ZNF704: variants seen among roughly 807,000 people sequenced by gnomAD.
The protein encoded by ZNF704 is glucocorticoid induced gene 1.
Under a neutral mutation model 44.7 loss-of-function variants are expected in ZNF704, and 10 were observed. The observed-to-expected ratio is 0.22, with a 90% CI of 0.14 to 0.38. The LOEUF (loss-of-function observed/expected upper bound fraction) is 0.38. ZNF704 is among the 10% of genes least tolerant of loss of function. The pLI, the probability that ZNF704 is intolerant of heterozygous loss-of-function variation, is 1.00. For synonymous variants in ZNF704, 211 were observed against 207.6 expected (o/e 1.02, Z -0.14); for missense variants, 390 against 545.5 (o/e 0.71, Z 2.84).
At chr8:80,859,608 T>G (rs1395510299) in intron 1 of ZNF704, among the ~76,000 whole-genome samples, 1 of 152,266 alleles carries the variant, frequency 6.6e-6, no homozygotes, top group African/African-American at 2.4e-5. Flanking sequence ...TGTTTCTTAA[T>G]ACAAATATTT....
At chr8:80,747,319 T>A (rs1034755079) in intron 2 of ZNF704, among the ~76,000 whole-genome samples, 5 of 151,938 alleles carry the variant, frequency 3.3e-5, no homozygotes, top group African/African-American at 1.2e-4. Flanking sequence ...TTTTTCAAGC[T>A]AATTGAAAAG....
chr8:80,637,602 CAT>C lies in ZNF704; in HGVS notation c.*3762_*3763del, dbSNP rs373901063. The C allele has an allele frequency of 9.8e-5, 15 of 152,346 alleles. No homozygotes were observed. The East Asian group carries it at 1.4e-3, about 14-fold the overall frequency. The allele number at this position is 152,346 out of a possible 1,614,324, so 9.4% of individuals were successfully genotyped here. On this transcript the variant is annotated 3_prime_UTR_variant, in exon 9 of 9. Transcript: ENST00000327835. ...TCAAAAATCTTTTGCAACATATACA[CAT>C]GTGACTATCTCTTTGAAAAGTTTTT...
intron 2 of ZNF704, among the ~76,000 whole-genome samples, chr8:80,698,225 AATAAAC>A (rs1236604211): frequency 6.6e-6 from 1 of 152,212 alleles, no homozygotes; most frequent in Non-Finnish European, 1.5e-5. Context: ...CACACACACA[AATAAAC>A]ATAAACTTAC....
intron 1 of ZNF704, among the ~76,000 whole-genome samples, chr8:80,857,797 C>T (rs969357443): frequency 7.2e-5 from 11 of 152,046 alleles, no homozygotes; most frequent in Admixed American, 6.6e-4. Flanking sequence ...GGTATTATAT[C>T]TTCCTTAAGT....
At chr8:80,718,649 A>C (rs948030019) in intron 2 of ZNF704, among the ~76,000 whole-genome samples, 38 of 152,102 alleles carry the variant, frequency 2.5e-4, no homozygotes, top group African/African-American at 9.2e-4. Context: ...AGTGAACCTA[A>C]ACCCAAACTG....
chr8:80,644,689 C>T (rs1359591172), intron 7 of ZNF704, among the ~76,000 whole-genome samples: 3 of 152,296 alleles, frequency 2.0e-5, no homozygotes, highest in East Asian at 3.9e-4. Flanking sequence ...CAGAACACAT[C>T]GTGGCTTCTG....
At chr8:80,794,133 A>C (rs750626320) in intron 2 of ZNF704, among the ~76,000 whole-genome samples, 10 of 152,182 alleles carry the variant, frequency 6.6e-5, no homozygotes, top group Non-Finnish European at 1.3e-4. Flanking sequence ...AAAAAGAGAG[A>C]GCCTAGGCAA....
At position 80,637,364 on chromosome 8, in the gene ZNF704, T is replaced by C. The variant is rs1684016707; in HGVS notation, c.*4002A>G. 1 of 152,216 alleles carries C rather than the reference T, an allele frequency of 6.6e-6. No homozygotes were observed. Among genetic ancestry groups the C allele is most frequent in the African/African-American group, 2.4e-5 (1 of 41,460 alleles). 9.4% of individuals were successfully genotyped at this position (152,216 alleles called of 1,614,324 possible). On this transcript the variant is annotated 3_prime_UTR_variant, in exon 9 of 9. Transcript: ENST00000327835. ...GTATTTTGCTACTATTCTCAAGGTA[T>C]TCTCTGTTATATGTACAATTCTGGC...
intron 2 of ZNF704, among the ~76,000 whole-genome samples, chr8:80,763,577 T>C (rs1807168516): frequency 1.3e-5 from 2 of 152,172 alleles, no homozygotes; most frequent in Admixed American, 1.3e-4. Flanking sequence ...GAAAACCATT[T>C]TCCCTCCTAG....
At chr8:80,722,063 C>G (rs1819175014) in intron 2 of ZNF704, among the ~76,000 whole-genome samples, 1 of 152,062 alleles carries the variant, frequency 6.6e-6, no homozygotes, top group Non-Finnish European at 1.5e-5. Flanking sequence ...ATGGCAAGAC[C>G]CTGTCTCTAC....
intron 1 of ZNF704, among the ~76,000 whole-genome samples, chr8:80,860,298 C>CTA (rs1403859044): frequency 5.3e-5 from 8 of 152,114 alleles, no homozygotes; most frequent in African/African-American, 1.9e-4. Context: ...CCTCATTGAC[C>CTA]GCTGTGTCTG....
intron 1 of ZNF704, among the ~76,000 whole-genome samples, chr8:80,833,575 T>G (rs1297676919): frequency 6.6e-6 from 1 of 152,204 alleles, no homozygotes; most frequent in Non-Finnish European, 1.5e-5. Flanking sequence ...AACAATTGCT[T>G]CCAATTACTA....
At chr8:80,848,819 G>C (rs893643876) in intron 1 of ZNF704, among the ~76,000 whole-genome samples, 10 of 151,832 alleles carry the variant, frequency 6.6e-5, no homozygotes, top group African/African-American at 1.9e-4. Context: ...AAAAAAAAGA[G>C]ATAGATATGT....
chr8:80,766,548 C>T (rs1807231607), intron 2 of ZNF704, among the ~76,000 whole-genome samples: 1 of 152,120 alleles, frequency 6.6e-6, no homozygotes, highest in African/African-American at 2.4e-5. Flanking sequence ...TTAGTTAATA[C>T]AATTTCCTAA....
At position 80,629,390 on chromosome 8, in the gene ZNF704, C is replaced by G. The variant is rs1817549388; in HGVS notation, c.*11976G>C. 1 of 152,154 alleles carries G rather than the reference C, an allele frequency of 6.6e-6. No individual in the cohort carries two copies. Among genetic ancestry groups the G allele is most frequent in the Non-Finnish European group, 1.5e-5 (1 of 68,038 alleles). The allele number at this position is 152,154 out of a possible 1,614,324, so 9.4% of individuals were successfully genotyped here. A position where few individuals can be genotyped will look rare whatever the true frequency, so the allele number is the denominator to read the frequency against. On this transcript the variant is annotated 3_prime_UTR_variant, in exon 9 of 9. Coordinates refer to ENST00000327835, the MANE Select transcript of ZNF704 (RefSeq NM_001033723.3). ...AACAATCCAGTATAACCTTAAGTACCAGGTTTAGAAATGCGTGTTTTTTTC... is the reference window on the plus strand; with the variant it reads ...AACAATCCAGTATAACCTTAAGTACGAGGTTTAGAAATGCGTGTTTTTTTC...
chr8:80,665,159 CCT>C lies in ZNF704; in HGVS notation c.660-79_660-78del. On this transcript the variant is annotated intron_variant, in intron 5 of 8. Transcript: ENST00000327835. ...CTTGAAATCTTGCACATGCATTTCCCCTCTGTCTGGAATGCTTTTCCTCCCTC... is the reference window on the plus strand; with the variant it reads ...CTTGAAATCTTGCACATGCATTTCCCCTGTCTGGAATGCTTTTCCTCCCTC... 6 of 1,500,862 alleles carry C rather than the reference CCT, an allele frequency of 4.0e-6. No individual in the cohort carries two copies. The South Asian group carries it at 4.8e-5, about 12-fold the overall frequency. The allele number at this position is 1,500,862 out of a possible 1,614,324, so 93.0% of individuals were successfully genotyped here. A position where few individuals can be genotyped will look rare whatever the true frequency, so the allele number is the denominator to read the frequency against.
At chr8:80,831,775 G>GAAGAGA (rs914931445) in intron 1 of ZNF704, among the ~76,000 whole-genome samples, 1 of 152,198 alleles carries the variant, frequency 6.6e-6, no homozygotes, top group African/African-American at 2.4e-5. Flanking sequence ...TAAGGACCAG[G>GAAGAGA]AAGAGAACAC....
Position 80,825,475 on chromosome 8 carries a change from T to C in ZNF704, c.-21-3860A>G, listed in dbSNP as rs539889545. Among the ~76,000 whole-genome samples the C allele has an allele frequency of 4.6e-5, 7 of 152,250 alleles. No individual in the cohort carries two copies. In the East Asian group the frequency reaches 1.3e-3, roughly 29 times the overall value. On this transcript the variant is annotated intron_variant, in intron 1 of 8. Coordinates refer to ENST00000327835, the MANE Select transcript of ZNF704 (RefSeq NM_001033723.3). ...GACTTAGACTCCCACACAATAATAA[T>C]GGGAGACTTTAACACCCCACTGTCA...
intron 2 of ZNF704, among the ~76,000 whole-genome samples, chr8:80,757,693 A>T (rs1350049388): frequency 6.6e-6 from 1 of 152,096 alleles, no homozygotes; most frequent in Non-Finnish European, 1.5e-5. Context: ...TGCCCTACAC[A>T]GGTATACCAT....
Sources: allele counts gnomAD v4.1 joint callset (sites outside exome capture counted in the v4.1 genomes callset), GRCh38; gene constraint gnomAD v4.1.1; transcripts MANE v1.5; gene names NCBI Gene and HGNC (gene_info 2026-07-23, HGNC 2026-07-21).